EIF3D: variants seen among roughly 807,000 people sequenced by gnomAD.
EIF3D encodes the protein eukaryotic translation initiation factor 3 subunit D.
EIF3D carries 10 observed loss-of-function variants against 75.4 expected under a neutral mutation model. The observed-to-expected ratio is 0.13, with a 90% confidence interval of 0.08 to 0.22. The LOEUF (loss-of-function observed/expected upper bound fraction) is 0.22. EIF3D is among the 10% of genes least tolerant of loss of function. EIF3D has a pLI of 1.00. For missense variants in EIF3D, 394 were observed against 708.0 expected (o/e 0.56, Z 5.03); for synonymous variants, 246 against 248.3 (o/e 0.99, Z 0.09).
At chr22:36,525,400 C>T (rs552311026) in intron 3 of EIF3D, among the ~76,000 whole-genome samples, 18 of 152,076 alleles carry the variant, frequency 1.2e-4, no homozygotes, top group African/African-American at 1.2e-4. Flanking sequence ...CACGCCACCA[C>T]GCCCAGCTAA....
intron 14 of EIF3D, 108 bp downstream of exon 14, chr22:36,511,395 G>A (rs1057489548): frequency 1.3e-6 from 2 of 1,535,470 alleles, no homozygotes; most frequent in Non-Finnish European, 1.7e-6. Flanking sequence ...TTAAGTCTCA[G>A]GGAATTCTCG....
In EIF3D at chr22:36,518,926, A is replaced by G. The variant is rs779076848; in HGVS notation, c.712-16T>C. 43 of 1,613,172 alleles carry G rather than the reference A, an allele frequency of 2.7e-5. No homozygotes were observed. In the Admixed American group the frequency reaches 6.7e-4, roughly 25 times the overall value. On this transcript the variant is annotated splice_polypyrimidine_tract_variant and intron_variant, in intron 8 of 14. Transcript: ENST00000216190. Reference sequence around the variant, plus strand: ...TTTTTGCCAGCTGCAAAGAGGATCAAAGAGAGAAGATGGAAAGACACTCCC... The same window carrying G: ...TTTTTGCCAGCTGCAAAGAGGATCAGAGAGAGAAGATGGAAAGACACTCCC...
chr22:36,520,559 T>C lies in EIF3D; in HGVS notation c.578+17A>G. ...CACATAAGAGCAGTGTAGAAAGTAGTAAAAGATGCTGCTTACATGTCCTGT... is the reference window on the plus strand; with the variant it reads ...CACATAAGAGCAGTGTAGAAAGTAGCAAAAGATGCTGCTTACATGTCCTGT... On this transcript the variant is annotated intron_variant, in intron 7 of 14. Transcript: ENST00000216190. 6.3e-7 allele frequency: 1 copy of C among 1,576,282 alleles called. No homozygotes were observed. The highest frequency in any genetic ancestry group is 8.7e-7 in the Non-Finnish European group (1 of 1,146,220).
chr22:36,528,401 T>C (rs1934640496), intron 1 of EIF3D, among the ~76,000 whole-genome samples: 2 of 147,460 alleles, frequency 1.4e-5, no homozygotes, highest in South Asian at 4.2e-4. Context: ...AGGGATGAGA[T>C]ACCCTGGCTT....
chr22:36,512,430 C>T (rs1393297921), intron 13 of EIF3D, 30 bp downstream of exon 13: 1 of 1,612,288 alleles, frequency 6.2e-7, no homozygotes. Context: ...TTCACAAGAT[C>T]AGCTGCCAGC....
intron 12 of EIF3D, chr22:36,516,258 T>G: frequency 2.0e-6 from 1 of 491,832 alleles, no homozygotes; most frequent in Non-Finnish European, 3.5e-6. Flanking sequence ...AGCAGAAAAG[T>G]TCTTAACACT....
chr22:36,517,102 A>C (rs1934439059), intron 10 of EIF3D, among the ~76,000 whole-genome samples, 199 bp downstream of exon 10: 1 of 152,230 alleles, frequency 6.6e-6, no homozygotes, highest in Non-Finnish European at 1.5e-5. Context: ...ACTATCATTA[A>C]ATTCTGTAAG....
chr22:36,514,017 C>A (rs1934384054), intron 12 of EIF3D, among the ~76,000 whole-genome samples: 1 of 152,098 alleles, frequency 6.6e-6, no homozygotes, highest in Non-Finnish European at 1.5e-5. Context: ...GGGCCCTGAA[C>A]TAGGGCAATT....
chr22:36,518,878 A>C lies in EIF3D; in HGVS notation c.744T>G (p.Thr248=). ...TCATCAGCGTGGCCAGGATGGCATC[A>C]GTGGCAAACACATTCCCCTGAGTTT... ...LAKTQGNVFA[T]DAILATLMSC... is the part of the protein sequence containing the mutation. The change falls in exon 9 of 15, where the codon ACT becomes ACG. Residue 248 remains threonine (T), a synonymous_variant. Coordinates refer to ENST00000216190, the MANE Select transcript of EIF3D (RefSeq NM_003753.4). 6.2e-7 allele frequency: 1 copy of C among 1,614,202 alleles called. No individual in the cohort carries two copies.
In EIF3D at chr22:36,512,628, C is replaced by T. The variant is rs774161153; in HGVS notation, c.1207-26G>A. ...CTGCAGGAGAGCCCCGTTAGAGAAA[C>T]AGAAGCAAGCTCCAAATGCCCAAGG... On this transcript the variant is annotated intron_variant, in intron 12 of 14. Coordinates refer to ENST00000216190, the MANE Select transcript of EIF3D (RefSeq NM_003753.4). 52 of 1,598,968 alleles carry T rather than the reference C, an allele frequency of 3.3e-5. 1 individual carries two copies. In the Middle Eastern group the frequency reaches 8.3e-4, roughly 26 times the overall value.
intron 6 of EIF3D, 152 bp from the exon 7 acceptor site, chr22:36,520,840 A>C: frequency 1.8e-6 from 1 of 561,944 alleles, no homozygotes; most frequent in Non-Finnish European, 3.2e-6. Context: ...TGATTGCTTG[A>C]GCCCAGGAGT....
chr22:36,525,713 C>T lies in EIF3D; in HGVS notation c.124-4G>A, dbSNP rs377189306. On this transcript the variant is annotated splice_region_variant and splice_polypyrimidine_tract_variant and intron_variant, in intron 2 of 14. Transcript: ENST00000216190. ...TGGCTCCTGTCCAGTCTGCAACCTA[C>T]GAAGAACAAGAAAAGACAGAGAATG... 51 of 1,610,232 alleles carry T rather than the reference C, an allele frequency of 3.2e-5. No individual in the cohort carries two copies. In the African/African-American group the frequency reaches 4.0e-4, roughly 13 times the overall value.
At chr22:36,521,105 C>A (rs1053706603) in intron 6 of EIF3D, among the ~76,000 whole-genome samples, 1 of 152,142 alleles carries the variant, frequency 6.6e-6, no homozygotes, top group Admixed American at 6.5e-5. Context: ...GAGGCTGAGG[C>A]AGGAGAACAG....
In EIF3D at chr22:36,525,672, C is replaced by T; in HGVS notation, c.161G>A (p.Arg54Lys). Reference protein sequence around the residue: ...DWTGATYQDKRYTNKYSSQFG... With the variant: ...DWTGATYQDKKYTNKYSSQFG... Reference sequence around the variant, plus strand: ...GTTGCAGAAACACTTACTTGTGTACCTCTTATCTTGGTATGTGGCTCCTGT... The same window carrying T: ...GTTGCAGAAACACTTACTTGTGTACTTCTTATCTTGGTATGTGGCTCCTGT... The change falls in exon 3 of 15, where the codon AGG becomes AAG. Residue 54 changes from arginine (R) to lysine (K), a missense_variant. By Grantham distance (26) the Arg-to-Lys change is conservative. Transcript: ENST00000216190. 1.9e-6 allele frequency: 3 copies of T among 1,613,324 alleles called. No individual in the cohort carries two copies. The highest frequency in any genetic ancestry group is 2.5e-6 in the Non-Finnish European group (3 of 1,179,856).
At chr22:36,526,887 C>T (rs1430598391) in intron 1 of EIF3D, 1 of 152,216 alleles carries the variant, frequency 6.6e-6, no homozygotes, top group African/African-American at 2.4e-5. Flanking sequence ...CCACGTCCAG[C>T]CACCTTAGTC....
Position 36,516,705 on chromosome 22 carries a change from C to T in EIF3D, c.1076G>A (p.Arg359His), listed in dbSNP as rs1277165788. The T allele has an allele frequency of 1.9e-6, 3 of 1,614,192 alleles. No homozygotes were observed. Among genetic ancestry groups the T allele is most frequent in the South Asian group, 1.1e-5 (1 of 91,082 alleles). Reference sequence around the variant, plus strand: ...AATACCCACCAGAGAGGTGACCTACCGGTACGCAACAGAGGCGATTTCATT... The same window carrying T: ...AATACCCACCAGAGAGGTGACCTACTGGTACGCAACAGAGGCGATTTCATT... ...DKNEIASVAY[R>H]YRRWKLGDDI... is the part of the protein sequence containing the mutation. The change falls in exon 11 of 15, where the codon CGT becomes CAT. Residue 359 changes from arginine (R) to histidine (H), a missense_variant and splice_region_variant. By Grantham distance (29) the Arg-to-His change is conservative. Coordinates refer to ENST00000216190, the MANE Select transcript of EIF3D (RefSeq NM_003753.4).
intron 4 of EIF3D, 36 bp from the exon 5 acceptor site, chr22:36,524,016 T>C (rs372458185): frequency 8.7e-6 from 14 of 1,609,450 alleles, no homozygotes; most frequent in Non-Finnish European, 7.7e-6. Flanking sequence ...GTTAAAATCT[T>C]GGAGATTTGG....
chr22:36,525,862 C>A, intron 2 of EIF3D, 137 bp downstream of exon 2: 1 of 1,458,856 alleles, frequency 6.9e-7, no homozygotes, highest in Non-Finnish European at 9.3e-7. Flanking sequence ...ATGACTACAC[C>A]CAGAGATAAC....
At chr22:36,511,846 G>A (rs983839988) in intron 13 of EIF3D, 60 bp from the exon 14 acceptor site, 2 of 1,576,518 alleles carry the variant, frequency 1.3e-6, no homozygotes, top group Non-Finnish European at 1.7e-6. Flanking sequence ...GCAACACTTG[G>A]GATCAAATGT....
Sources: gnomAD v4.1 joint callset for allele counts (sites outside exome capture counted in the v4.1 genomes callset) on GRCh38, gnomAD v4.1.1 for gene constraint, MANE v1.5 for transcripts, NCBI Gene and HGNC (gene_info 2026-07-23, HGNC 2026-07-21) for gene names.